The following ERP44 variants were observed in gnomAD, a reference collection of about 807,000 sequenced individuals.
The protein encoded by ERP44 is endoplasmic reticulum resident protein 44.
ERP44 carries 25 observed loss-of-function variants against 53.4 expected under a neutral mutation model. The observed-to-expected ratio is 0.47, with a 90% confidence interval of 0.34 to 0.65. The LOEUF is 0.65. ERP44 is among the 30% of genes least tolerant of loss of function. The probability of loss-of-function intolerance (pLI) is 0.01; values close to 1 mark genes in which losing one functional copy is unlikely to be tolerated. For missense variants in ERP44, 338 were observed against 493.2 expected, an observed-to-expected ratio of 0.69 and a Z score of 2.98; for synonymous variants, 145 against 161.2, an observed-to-expected ratio of 0.90 and a Z score of 0.76.
intron 1 of ERP44, among the ~76,000 whole-genome samples, chr9:100,091,845 A>G (rs534532343): frequency 6.6e-5 from 10 of 152,336 alleles, no homozygotes; most frequent in African/African-American, 1.2e-4. Flanking sequence ...AGGTGATCTA[A>G]AAGGTCTCAT....
At chr9:100,042,826 T>G (rs1179059125) in intron 4 of ERP44, among the ~76,000 whole-genome samples, 1 of 152,170 alleles carries the variant, frequency 6.6e-6, no homozygotes, top group African/African-American at 2.4e-5. Flanking sequence ...AAACATTGCA[T>G]GTTCTCACTT....
At chr9:100,001,020 A>G (rs898885063) in intron 10 of ERP44, among the ~76,000 whole-genome samples, 2 of 152,082 alleles carry the variant, frequency 1.3e-5, no homozygotes, top group East Asian at 1.9e-4. Flanking sequence ...GCTGCTTCCC[A>G]TAAGTTTTGT....
At chr9:100,068,812 G>C (rs1364470969) in intron 1 of ERP44, among the ~76,000 whole-genome samples, 1 of 152,194 alleles carries the variant, frequency 6.6e-6, no homozygotes, top group African/African-American at 2.4e-5. Context: ...CACTGAGAAC[G>C]GGCCATGATG....
chr9:100,000,289 T>C (rs922164695), intron 10 of ERP44, among the ~76,000 whole-genome samples: 2 of 151,310 alleles, frequency 1.3e-5, no homozygotes, highest in Non-Finnish European at 3.0e-5. Flanking sequence ...AAAAAAAAAA[T>C]TAGGTGGGCA....
At chr9:100,010,919 G>GA (rs1830469428) in intron 8 of ERP44, among the ~76,000 whole-genome samples, 1 of 145,448 alleles carries the variant, frequency 6.9e-6, no homozygotes, top group South Asian at 2.2e-4. Context: ...AAAAAAAAGA[G>GA]AAAAGCAAAA....
At chr9:100,047,257 A>C (rs571312150) in intron 4 of ERP44, among the ~76,000 whole-genome samples, 4 of 152,298 alleles carry the variant, frequency 2.6e-5, no homozygotes, top group Admixed American at 1.3e-4. Context: ...CTGCACCAAC[A>C]TTAAGAACAT....
chr9:100,068,741 GGGAAGTGA>G (rs895831601), intron 1 of ERP44, among the ~76,000 whole-genome samples: 1 of 150,790 alleles, frequency 6.6e-6, no homozygotes, highest in Admixed American at 6.6e-5. Flanking sequence ...CGCCCCTACT[GGGAAGTGA>G]GGAGCCCCTC....
rs549727182 is a variant in ERP44, at chr9:99,994,262, T to C, written c.1017-9193A>G. 9.8e-5 allele frequency among the ~76,000 whole-genome samples: 15 copies of C among 152,300 alleles called. No individual in the cohort carries two copies. The East Asian group carries it at 2.5e-3, about 25-fold the overall frequency. On this transcript the variant is annotated intron_variant, in intron 10 of 11. Transcript: ENST00000262455. ...GACTTGGAACCAAACAAAGTGTCCA[T>C]CAGTGATAGACTGGATTAAGAAAAT...
intron 4 of ERP44, among the ~76,000 whole-genome samples, chr9:100,040,420 T>C (rs564646008): frequency 6.6e-6 from 1 of 152,188 alleles, no homozygotes; most frequent in Non-Finnish European, 1.5e-5. Context: ...AAAAAACATA[T>C]GATTATTTCA....
intron 4 of ERP44, among the ~76,000 whole-genome samples, chr9:100,041,667 A>G (rs1336782392): frequency 1.3e-5 from 2 of 152,156 alleles, no homozygotes; most frequent in African/African-American, 4.8e-5. Flanking sequence ...ATTCCGACTC[A>G]AAACAACAAC....
chr9:100,030,913 C>T (rs1825780159), intron 4 of ERP44, among the ~76,000 whole-genome samples: 1 of 152,148 alleles, frequency 6.6e-6, no homozygotes, highest in African/African-American at 2.4e-5. Flanking sequence ...CTTTCCTATC[C>T]TCTGTGCCCT....
intron 4 of ERP44, among the ~76,000 whole-genome samples, chr9:100,029,459 A>G (rs1398207961): frequency 6.6e-6 from 1 of 152,252 alleles, no homozygotes; most frequent in African/African-American, 2.4e-5. Context: ...ACAAATCGAA[A>G]CCACAATGAG....
At chr9:100,041,643 C>T (rs1161348960) in intron 4 of ERP44, among the ~76,000 whole-genome samples, 3 of 151,926 alleles carry the variant, frequency 2.0e-5, no homozygotes, top group African/African-American at 7.3e-5. Context: ...ACTCCAGCCC[C>T]GCGACAGAGC....
intron 1 of ERP44, among the ~76,000 whole-genome samples, chr9:100,088,965 T>C (rs1826518388): frequency 6.6e-6 from 1 of 152,228 alleles, no homozygotes; most frequent in African/African-American, 2.4e-5. Context: ...ATACATGCTT[T>C]AAAAATGTAG....
chr9:99,983,569 A>G (rs891792669), intron 11 of ERP44, among the ~76,000 whole-genome samples: 11 of 151,418 alleles, frequency 7.3e-5, no homozygotes, highest in South Asian at 2.1e-4. Flanking sequence ...AAAAAAAAAA[A>G]AAAAAAGAAA....
intron 10 of ERP44, among the ~76,000 whole-genome samples, chr9:100,005,833 T>C (rs1427196519): frequency 6.6e-6 from 1 of 152,218 alleles, no homozygotes; most frequent in East Asian, 1.9e-4. Context: ...CAAAATAAAA[T>C]GTCTAACTTG....
At chr9:100,018,013 G>A (rs949413395) in intron 7 of ERP44, among the ~76,000 whole-genome samples, 2 of 151,190 alleles carry the variant, frequency 1.3e-5, no homozygotes, top group Non-Finnish European at 3.0e-5. Context: ...TGCCAGCTCT[G>A]CTACTCTAAT....
intron 7 of ERP44, among the ~76,000 whole-genome samples, chr9:100,016,941 A>G (rs1013485086): frequency 1.3e-5 from 2 of 152,230 alleles, no homozygotes; most frequent in African/African-American, 4.8e-5. Flanking sequence ...AAAGGCAGGA[A>G]GGCATTGTGA....
At position 99,979,767 on chromosome 9, in the gene ERP44, G is replaced by GACTT; in HGVS notation, c.*2841_*2844dup. 2.5e-6 allele frequency: 1 copy of GACTT among 392,528 alleles called. No individual in the cohort carries two copies. The highest frequency in any genetic ancestry group is 4.5e-6 in the Non-Finnish European group (1 of 222,638). 24.3% of individuals were successfully genotyped at this position (392,528 alleles called of 1,614,324 possible). On this transcript the variant is annotated 3_prime_UTR_variant, in exon 12 of 12. Coordinates refer to ENST00000262455, the MANE Select transcript of ERP44 (RefSeq NM_015051.3). ...CGAGTAGATCAGATAAACCGGGGAA[G>GACTT]ACTTCTACCTGAAATGGTCTGATTC...
Sources: gnomAD v4.1 joint callset for allele counts (sites outside exome capture counted in the v4.1 genomes callset) on GRCh38, gnomAD v4.1.1 for gene constraint, MANE v1.5 for transcripts, NCBI Gene and HGNC (gene_info 2026-07-23, HGNC 2026-07-21) for gene names.